Variants in KLHL12 observed in about 807,000 individuals in gnomAD.
KLHL12 encodes kelch like family member 12.
A neutral mutation model predicts 60.8 loss-of-function variants in KLHL12; 17 were observed. The observed-to-expected ratio is 0.28, with a 90% confidence interval of 0.19 to 0.42. The LOEUF (loss-of-function observed/expected upper bound fraction) is 0.42. KLHL12 is among the 10% of genes least tolerant of loss of function. The pLI is 1.00. For synonymous variants in KLHL12, 220 were observed against 250.9 expected (o/e 0.88, Z 1.16); for missense variants, 468 against 722.3 (o/e 0.65, Z 4.04).
At chr1:202,915,852 C>G (rs1660507092) in intron 4 of KLHL12, among the ~76,000 whole-genome samples, 1 of 152,130 alleles carries the variant, frequency 6.6e-6, no homozygotes, top group African/African-American at 2.4e-5. Flanking sequence ...CTCCAGTGGA[C>G]AGGGATTTTT....
chr1:202,912,664 C>A, intron 4 of KLHL12: 1 of 1,302,140 alleles, frequency 7.7e-7, no homozygotes, highest in Non-Finnish European at 1.1e-6. Flanking sequence ...TCTGCCAAAC[C>A]ACGAAACCAA....
At chr1:202,920,533 C>T (rs148209811) in intron 2 of KLHL12, among the ~76,000 whole-genome samples, 16,569 of 151,386 alleles carry the variant, frequency 0.11, 1,207 homozygotes, top group Middle Eastern at 0.24. Flanking sequence ...CCCGCCACCA[C>T]GCCCGGCTAA....
chr1:202,912,539 G>T (rs531091315), intron 4 of KLHL12: 1 of 1,040,646 alleles, frequency 9.6e-7, no homozygotes, highest in African/African-American at 1.6e-5. Context: ...TGGAGGTGGT[G>T]GAAGCTACAG....
At chr1:202,928,587 G>A, upstream of KLHL12, 4 of 1,224,132 alleles carry the variant, frequency 3.3e-6, no homozygotes, top group Non-Finnish European at 4.4e-6. Flanking sequence ...CAACGCTGCG[G>A]CGAGAATCCT....
At chr1:202,904,976 C>G (rs554853621) in intron 6 of KLHL12, among the ~76,000 whole-genome samples, 4 of 152,254 alleles carry the variant, frequency 2.6e-5, no homozygotes, top group Non-Finnish European at 5.9e-5. Flanking sequence ...CTGCTGTATG[C>G]AGAAGAGTCA....
Position 202,914,090 on chromosome 1 carries a change from C to A in KLHL12, c.568-2887G>T, listed in dbSNP as rs548954653. ...GGTGATAGAGGAGTAAAATATGAAG[C>A]TGGAGAGTTAAGCAAGGGCCAGGTA... On this transcript the variant is annotated intron_variant, in intron 4 of 11. Transcript: ENST00000367261. Among the ~76,000 whole-genome samples the A allele has an allele frequency of 2.6e-5, 4 of 152,290 alleles. No homozygotes were observed. In the South Asian group the frequency reaches 8.3e-4, roughly 32 times the overall value.
chr1:202,906,718 A>G (rs745315081), intron 6 of KLHL12, among the ~76,000 whole-genome samples: 6 of 152,010 alleles, frequency 3.9e-5, no homozygotes, highest in Non-Finnish European at 7.4e-5. Flanking sequence ...CTGGAGTACA[A>G]TGGTGCAATC....
chr1:202,897,443 C>T (rs899141715), intron 6 of KLHL12, among the ~76,000 whole-genome samples: 6 of 151,670 alleles, frequency 4.0e-5, no homozygotes, highest in Admixed American at 1.3e-4. Flanking sequence ...AGGCTGGTCC[C>T]GAACTCCCAA....
intron 2 of KLHL12, among the ~76,000 whole-genome samples, chr1:202,922,612 G>A (rs865993148): frequency 3.3e-5 from 5 of 150,672 alleles, no homozygotes; most frequent in African/African-American, 4.9e-5. Context: ...TCAGCCTCCC[G>A]AGTGGCTGGG....
chr1:202,903,497 C>T (rs4950888), intron 6 of KLHL12, among the ~76,000 whole-genome samples: 79,072 of 145,254 alleles, frequency 0.54, 22,386 homozygotes, highest in Non-Finnish European at 0.62. Flanking sequence ...TCTTGCTCTG[C>T]TGCCCAGGCT....
intron 6 of KLHL12, among the ~76,000 whole-genome samples, chr1:202,898,517 A>G (rs1231009824): frequency 6.6e-6 from 1 of 152,224 alleles, no homozygotes; most frequent in Admixed American, 6.5e-5. Flanking sequence ...ATGGTGATGA[A>G]TAGGAAGGAC....
intron 6 of KLHL12, among the ~76,000 whole-genome samples, chr1:202,900,149 G>A (rs897214468): frequency 1.3e-5 from 2 of 152,046 alleles, no homozygotes; most frequent in African/African-American, 2.4e-5. Flanking sequence ...TACTTCCTGT[G>A]CTATGCAAAT....
chr1:202,906,455 C>CAAAAA (rs59435824), intron 6 of KLHL12, among the ~76,000 whole-genome samples: 1 of 52,742 alleles, frequency 1.9e-5, no homozygotes, highest in African/African-American at 6.9e-5. Flanking sequence ...CGCTTCGTCT[C>CAAAAA]AAAAAAAAAA....
chr1:202,904,747 T>C lies in KLHL12; in HGVS notation c.832+4263A>G, dbSNP rs189217666. Among the ~76,000 whole-genome samples, 153 of 152,288 alleles carry C rather than the reference T, an allele frequency of 1.0e-3. 3 individuals are homozygous for C. Among genetic ancestry groups the C allele is most frequent in the African/African-American group, 3.5e-3 (144 of 41,560 alleles). On this transcript the variant is annotated intron_variant, in intron 6 of 11. Transcript: ENST00000367261. The stretch of plus-strand genomic sequence containing the variant: ...GGGAGTGTGTGTGTGCTGTGACACG[T>C]TGTTAGAGAAATAAGGCAGATGCAG...
rs192571382 is a variant in KLHL12, at chr1:202,918,690, A to T, written c.350-302T>A. On this transcript the variant is annotated intron_variant, in intron 3 of 11. Transcript: ENST00000367261. Reference sequence around the variant, plus strand: ...CAAAAATGCCTATAAAACTCTTGGGAATCAAACTATAAAACCAATTGCGAA... The same window carrying T: ...CAAAAATGCCTATAAAACTCTTGGGTATCAAACTATAAAACCAATTGCGAA... Among the ~76,000 whole-genome samples, 52 of 152,344 alleles carry T rather than the reference A, an allele frequency of 3.4e-4. No individual in the cohort carries two copies. In the East Asian group the frequency reaches 7.3e-3, roughly 21 times the overall value.
At chr1:202,899,683 G>A (rs1054704157) in intron 6 of KLHL12, among the ~76,000 whole-genome samples, 1 of 151,890 alleles carries the variant, frequency 6.6e-6, no homozygotes, top group Non-Finnish European at 1.5e-5. Context: ...AAAATTAGCC[G>A]GGTGCAGTGA....
intron 4 of KLHL12, chr1:202,911,934 C>A: frequency 1.2e-6 from 1 of 822,944 alleles, no homozygotes; most frequent in Non-Finnish European, 2.1e-6. Context: ...GGGGAATGCT[C>A]ACGGACTGTG....
chr1:202,914,952 T>C (rs888103734), intron 4 of KLHL12: 4 of 151,250 alleles, frequency 2.6e-5, no homozygotes, highest in Non-Finnish European at 5.9e-5. Context: ...TGGTCAACAG[T>C]TGTAAACACC....
rs576669143 is a variant in KLHL12, at chr1:202,921,105, GGTTCAAGT to G, written c.196-1205_196-1198del. 3.6e-3 allele frequency among the ~76,000 whole-genome samples: 543 copies of G among 151,934 alleles called. No homozygotes were observed. In the Middle Eastern group the frequency reaches 0.038, roughly 11 times the overall value. Reference sequence around the variant, plus strand: ...AGCTCACTGCAACCTCTGCCTCCCAGGTTCAAGTGTTTCTCGTGCCTCAGCCTCCCAAG... The same window carrying G: ...AGCTCACTGCAACCTCTGCCTCCCAGGTTTCTCGTGCCTCAGCCTCCCAAG... On this transcript the variant is annotated intron_variant, in intron 2 of 11. Coordinates refer to ENST00000367261, the MANE Select transcript of KLHL12 (RefSeq NM_021633.4).
Sources: allele counts gnomAD v4.1 joint callset (sites outside exome capture counted in the v4.1 genomes callset), GRCh38; gene constraint gnomAD v4.1.1; transcripts MANE v1.5; gene names NCBI Gene and HGNC (gene_info 2026-07-23, HGNC 2026-07-21).